The following TCERG1L variants were observed in gnomAD, a reference collection of about 807,000 sequenced individuals.
TCERG1L encodes transcription elongation regulator 1 like, also known as transcription elongation regulator 1-like protein.
Under a neutral mutation model 56.3 loss-of-function variants are expected in TCERG1L, and 37 were observed. The ratio of observed to expected loss-of-function variants is 0.66; its 90% CI spans 0.51 to 0.87. TCERG1L has a LOEUF of 0.87. Among genes scored for constraint, TCERG1L ranks in the 40% least tolerant of loss-of-function variants. The pLI is 0.00. For missense variants in TCERG1L, 799 were observed against 774.2 expected (o/e 1.03, Z -0.38); for synonymous variants, 324 against 326.3 (o/e 0.99, Z 0.08).
intron 4 of TCERG1L, among the ~76,000 whole-genome samples, chr10:131,258,661 C>T (rs1315466711): frequency 6.6e-6 from 1 of 152,212 alleles, no homozygotes; most frequent in East Asian, 1.9e-4. Context: ...CTGAGTAACG[C>T]CCCTTTCATC....
intron 10 of TCERG1L, among the ~76,000 whole-genome samples, chr10:131,100,184 C>G (rs992877684): frequency 6.6e-6 from 1 of 152,064 alleles, no homozygotes; most frequent in African/African-American, 2.4e-5. Context: ...GCTTCTTATG[C>G]CTTCAAGGCA....
chr10:131,303,066 T>C lies in TCERG1L; in HGVS notation c.670+5145A>G, dbSNP rs1432219287. On this transcript the variant is annotated intron_variant, in intron 3 of 11. Coordinates refer to ENST00000368642, the MANE Select transcript of TCERG1L (RefSeq NM_174937.4). ...GGTTGGTTCCAAGTCTTTGCTATCA[T>C]GAACAGTGCTGCAGTAAACATACGT... is the stretch of plus-strand genomic sequence containing the variant. 3.3e-5 allele frequency among the ~76,000 whole-genome samples: 5 copies of C among 152,150 alleles called. 1 individual carries two copies. The highest frequency in any genetic ancestry group is 1.2e-4 in the African/African-American group (5 of 41,420).
rs149433388 is a variant in TCERG1L at position 131,157,603 on chromosome 10, C to T, written c.1034+5519G>A. Among the ~76,000 whole-genome samples, 367 of 151,372 alleles carry T rather than the reference C, an allele frequency of 2.4e-3. 2 individuals carry two copies. The South Asian group carries it at 0.028, about 12-fold the overall frequency. On this transcript the variant is annotated intron_variant, in intron 6 of 11. Transcript: ENST00000368642. ...AAAGCCAAATTACAAAAAAAAAAGA[C>T]GATACAGAAATTCCGAAGGAGACTA... is the stretch of plus-strand genomic sequence containing the variant.
chr10:131,282,311 G>C (rs116333117), intron 3 of TCERG1L, among the ~76,000 whole-genome samples: 1 of 135,548 alleles, frequency 7.4e-6, no homozygotes, highest in Non-Finnish European at 1.6e-5. Flanking sequence ...CAAAAAAACC[G>C]TGTTATAGGA....
intron 4 of TCERG1L, among the ~76,000 whole-genome samples, chr10:131,233,208 A>G (rs1009469827): frequency 6.6e-6 from 1 of 152,208 alleles, no homozygotes; most frequent in African/African-American, 2.4e-5. Flanking sequence ...ATCGCGAGAG[A>G]CAGGAAGAAA....
chr10:131,222,283 A>G (rs1419322444), intron 4 of TCERG1L, among the ~76,000 whole-genome samples: 1 of 152,226 alleles, frequency 6.6e-6, no homozygotes, highest in Non-Finnish European at 1.5e-5. Context: ...AGATGCTTCA[A>G]AGTTATCCAT....
At chr10:131,288,848 C>T (rs1729828380) in intron 3 of TCERG1L, among the ~76,000 whole-genome samples, 1 of 152,054 alleles carries the variant, frequency 6.6e-6, no homozygotes, top group South Asian at 2.1e-4. Context: ...GGGAGGGCAC[C>T]GGACAGACCC....
intron 3 of TCERG1L, among the ~76,000 whole-genome samples, chr10:131,300,092 C>T (rs1254982391): frequency 5.9e-5 from 9 of 152,116 alleles, no homozygotes; most frequent in Admixed American, 5.9e-4. Context: ...GAATTCTTCT[C>T]AGCTTTTGTT....
At chr10:131,206,829 G>A (rs892827905) in intron 4 of TCERG1L, among the ~76,000 whole-genome samples, 3 of 152,154 alleles carry the variant, frequency 2.0e-5, no homozygotes, top group Non-Finnish European at 4.4e-5. Context: ...AGGAGAGGGT[G>A]GGGTGCGTCC....
At chr10:131,182,202 G>A (rs1165894081) in intron 4 of TCERG1L, among the ~76,000 whole-genome samples, 8 of 152,228 alleles carry the variant, frequency 5.3e-5, no homozygotes, top group Non-Finnish European at 1.0e-4. Context: ...TGAGTCTGCC[G>A]TGTGAGTGGG....
chr10:131,128,796 A>G (rs1490443198), intron 8 of TCERG1L, among the ~76,000 whole-genome samples: 1 of 152,184 alleles, frequency 6.6e-6, no homozygotes, highest in Non-Finnish European at 1.5e-5. Flanking sequence ...AAGATAGATC[A>G]TCTGCTTGCA....
chr10:131,170,874 G>A (rs1361552079), intron 4 of TCERG1L, among the ~76,000 whole-genome samples: 2 of 152,156 alleles, frequency 1.3e-5, no homozygotes, highest in South Asian at 2.1e-4. Context: ...GCGGCCGGGC[G>A]CCGTGGCTCA....
chr10:131,186,437 C>A (rs746838210), intron 4 of TCERG1L, among the ~76,000 whole-genome samples: 14 of 151,994 alleles, frequency 9.2e-5, no homozygotes, highest in Non-Finnish European at 1.9e-4. Flanking sequence ...AGTTGAACAC[C>A]CAACTCATAA....
At chr10:131,116,663 ATC>A in intron 9 of TCERG1L, 134 bp downstream of exon 9, 1 of 1,214,054 alleles carries the variant, frequency 8.2e-7, no homozygotes, top group Non-Finnish European at 1.2e-6. Context: ...AGGACACATC[ATC>A]TCTCAGGCCA....
At chr10:131,246,980 G>C (rs1272780961) in intron 4 of TCERG1L, among the ~76,000 whole-genome samples, 2 of 151,422 alleles carry the variant, frequency 1.3e-5, no homozygotes, top group Non-Finnish European at 2.9e-5. Context: ...AGGGAGGGGA[G>C]TATGCCCAGG....
At chr10:131,181,817 C>T (rs1438042946) in intron 4 of TCERG1L, among the ~76,000 whole-genome samples, 2 of 152,216 alleles carry the variant, frequency 1.3e-5, no homozygotes, top group African/African-American at 4.8e-5. Context: ...TCCAAAAACT[C>T]GTGGTAGCCA....
intron 4 of TCERG1L, among the ~76,000 whole-genome samples, chr10:131,216,992 T>C (rs1403017197): frequency 6.6e-6 from 1 of 152,100 alleles, no homozygotes; most frequent in Non-Finnish European, 1.5e-5. Context: ...GCTGTCTCAC[T>C]CCTCCACCGT....
At chr10:131,207,317 C>A (rs1004348561) in intron 4 of TCERG1L, among the ~76,000 whole-genome samples, 3 of 152,182 alleles carry the variant, frequency 2.0e-5, no homozygotes, top group Non-Finnish European at 2.9e-5. Context: ...ATGAGTGTCA[C>A]CTGGTTTCAC....
chr10:131,169,604 G>A (rs771125661), intron 4 of TCERG1L, among the ~76,000 whole-genome samples: 1 of 152,166 alleles, frequency 6.6e-6, no homozygotes, highest in Admixed American at 6.5e-5. Flanking sequence ...TTTATCTAAA[G>A]TACAGCAAAG....
Sources: gnomAD v4.1 joint callset for allele counts (sites outside exome capture counted in the v4.1 genomes callset) on GRCh38, gnomAD v4.1.1 for gene constraint, MANE v1.5 for transcripts, NCBI Gene and HGNC (gene_info 2026-07-23, HGNC 2026-07-21) for gene names.